The following DISC1 variants were observed in gnomAD, a reference collection of about 807,000 sequenced individuals.
DISC1 encodes the protein DISC1 scaffold protein.
In DISC1, 57 loss-of-function variants were observed where a neutral mutation model predicts 84.5. That is an observed-to-expected ratio of 0.67 (90% CI 0.55 to 0.84). DISC1 has a LOEUF of 0.84. Ranked by LOEUF, DISC1 falls within the 40% of genes least tolerant of loss-of-function variation. DISC1 has a pLI of 0.00. For missense variants in DISC1, 1,000 were observed against 1,057.8 expected (o/e 0.95, Z 0.76); for synonymous variants, 411 against 415.2 (o/e 0.99, Z 0.12).
intron 9 of DISC1, among the ~76,000 whole-genome samples, chr1:231,914,334 C>G (rs1211757453): frequency 6.6e-6 from 1 of 152,208 alleles, no homozygotes; most frequent in Non-Finnish European, 1.5e-5. Context: ...GCAAGCGGAG[C>G]TGAAATCTAG....
At chr1:231,768,168 A>G (rs902794780) in intron 5 of DISC1, among the ~76,000 whole-genome samples, 1 of 152,190 alleles carries the variant, frequency 6.6e-6, no homozygotes, top group Non-Finnish European at 1.5e-5. Context: ...AACAGGGTCC[A>G]TGCCTGCTTG....
chr1:231,743,257 G>A (rs2073548442), intron 3 of DISC1, among the ~76,000 whole-genome samples: 1 of 152,198 alleles, frequency 6.6e-6, no homozygotes, highest in East Asian at 1.9e-4. Context: ...CAGGCATGAT[G>A]CTAATTGCTT....
chr1:231,959,988 A>T (rs1660156216), intron 10 of DISC1, among the ~76,000 whole-genome samples: 1 of 152,196 alleles, frequency 6.6e-6, no homozygotes, highest in Admixed American at 6.5e-5. Context: ...ACATTAGGTT[A>T]TCAGGCAGCC....
intron 3 of DISC1, chr1:231,722,647 A>C (rs367913694): frequency 7.4e-6 from 12 of 1,613,630 alleles, no homozygotes; most frequent in Non-Finnish European, 1.0e-5. Flanking sequence ...AGATATCCAC[A>C]CAGCGTAGAT....
chr1:231,987,792 C>T (rs7546604), intron 10 of DISC1, among the ~76,000 whole-genome samples: 117 of 152,296 alleles, frequency 7.7e-4, no homozygotes, highest in African/African-American at 2.5e-3. Context: ...TGTTTTGTGA[C>T]GTGTATGTTA....
intron 9 of DISC1, among the ~76,000 whole-genome samples, chr1:231,890,500 A>G (rs2087122798): frequency 6.6e-6 from 1 of 152,180 alleles, no homozygotes; most frequent in Admixed American, 6.5e-5. Flanking sequence ...TATATGATTT[A>G]ACTTAGATAG....
In DISC1 at chr1:231,758,531, T is replaced by G. The variant is rs1573565716; in HGVS notation, c.1268+8455T>G. 2.0e-5 allele frequency among the ~76,000 whole-genome samples: 3 copies of G among 152,256 alleles called. No homozygotes were observed. In the South Asian group the frequency reaches 6.2e-4, roughly 32 times the overall value. ...TGGTGGTTGATTGCAGAGGTGCTGGTTGAGCAGCCCCAGGGGTAGGATGCC... is the reference window on the plus strand; with the variant it reads ...TGGTGGTTGATTGCAGAGGTGCTGGGTGAGCAGCCCCAGGGGTAGGATGCC... On this transcript the variant is annotated intron_variant, in intron 4 of 12. Transcript: ENST00000439617.
At chr1:231,812,265 C>T (rs572111708) in intron 8 of DISC1, among the ~76,000 whole-genome samples, 1 of 152,012 alleles carries the variant, frequency 6.6e-6, no homozygotes, top group South Asian at 2.1e-4. Context: ...GCTATGTTGC[C>T]CAGGCTGGTC....
chr1:231,982,861 C>G (rs1663814538), intron 10 of DISC1, among the ~76,000 whole-genome samples: 1 of 152,124 alleles, frequency 6.6e-6, no homozygotes, highest in South Asian at 2.1e-4. Context: ...GTGTTTCAGT[C>G]AAGGACAGAT....
chr1:231,980,833 G>A (rs1663492774), intron 10 of DISC1, among the ~76,000 whole-genome samples: 1 of 152,170 alleles, frequency 6.6e-6, no homozygotes, highest in South Asian at 2.1e-4. Context: ...GGGTGGAAGT[G>A]TGAGGAAACA....
chr1:232,031,609 C>G lies in DISC1; in HGVS notation c.2425+5057C>G, dbSNP rs1027983490. On this transcript the variant is annotated intron_variant, in intron 12 of 12. Transcript: ENST00000439617. This position sits in a 1 kb window ranked among gnomAD's most constrained non-coding sequence, Gnocchi z 4.6. Reference sequence around the variant, plus strand: ...TGGGCTGGTGCAGATATAGTAGTCACAGTTCTTTCCTTAGGCTCTCACTTG... The same window carrying G: ...TGGGCTGGTGCAGATATAGTAGTCAGAGTTCTTTCCTTAGGCTCTCACTTG... Among the ~76,000 whole-genome samples the G allele has an allele frequency of 1.3e-5, 2 of 152,152 alleles. No individual in the cohort carries two copies. Among genetic ancestry groups the G allele is most frequent in the Non-Finnish European group, 2.9e-5 (2 of 68,038 alleles).
At chr1:231,868,081 C>T (rs1452616798) in intron 9 of DISC1, among the ~76,000 whole-genome samples, 1 of 152,188 alleles carries the variant, frequency 6.6e-6, no homozygotes, top group East Asian at 1.9e-4. Context: ...AAGGACACTC[C>T]CACTCAGAGG....
At chr1:231,888,585 C>G (rs2086952956) in intron 9 of DISC1, among the ~76,000 whole-genome samples, 1 of 151,360 alleles carries the variant, frequency 6.6e-6, no homozygotes, top group Non-Finnish European at 1.5e-5. Flanking sequence ...AATACAAAAA[C>G]AAAATTAGCC....
At chr1:231,709,479 T>G (rs1275509683) in intron 3 of DISC1, among the ~76,000 whole-genome samples, 1 of 152,084 alleles carries the variant, frequency 6.6e-6, no homozygotes, top group Non-Finnish European at 1.5e-5. Context: ...GCATGAACAT[T>G]CCTTCCTAAC....
chr1:231,728,190 G>A (rs1437002280), intron 3 of DISC1, among the ~76,000 whole-genome samples: 1 of 151,942 alleles, frequency 6.6e-6, no homozygotes, highest in Admixed American at 6.6e-5. Flanking sequence ...TTATCTTTAG[G>A]ATCACATGTT....
At chr1:231,936,373 G>C (rs1331362546) in intron 9 of DISC1, among the ~76,000 whole-genome samples, 1 of 152,098 alleles carries the variant, frequency 6.6e-6, no homozygotes, top group Non-Finnish European at 1.5e-5. Context: ...CTCTAGGCTG[G>C]TCAGTTATAT....
intron 8 of DISC1, among the ~76,000 whole-genome samples, chr1:231,816,329 T>C (rs2080974390): frequency 2.6e-5 from 4 of 152,252 alleles, no homozygotes; most frequent in African/African-American, 4.8e-5. Context: ...TAGTATTCAA[T>C]TCCTTGTCAG....
chr1:231,719,428 A>G (rs1425652645), intron 3 of DISC1, among the ~76,000 whole-genome samples: 2 of 152,244 alleles, frequency 1.3e-5, no homozygotes, highest in African/African-American at 2.4e-5. Flanking sequence ...TCTACTAACA[A>G]TAGAATTATA....
intron 9 of DISC1, among the ~76,000 whole-genome samples, chr1:231,903,669 A>C (rs1020106134): frequency 6.6e-6 from 1 of 152,196 alleles, no homozygotes; most frequent in Non-Finnish European, 1.5e-5. Flanking sequence ...TTCCAGGCAG[A>C]GGGAGCCTCA....
Sources: gnomAD v4.1 joint callset for allele counts (sites outside exome capture counted in the v4.1 genomes callset) on GRCh38, gnomAD v4.1.1 for gene constraint, Gnocchi (gnomAD v3.1) non-coding constraint, MANE v1.5 for transcripts, NCBI Gene and HGNC (gene_info 2026-07-23, HGNC 2026-07-21) for gene names.